Variants in CACNG4 observed in about 807,000 individuals in gnomAD.
CACNG4 encodes the protein voltage-dependent calcium channel gamma-4 subunit.
In CACNG4, 8 loss-of-function variants were observed where a neutral mutation model predicts 22.9. The observed-to-expected ratio is 0.35, with a 90% confidence interval of 0.21 to 0.63. The LOEUF (loss-of-function observed/expected upper bound fraction) is 0.63, where lower values mean the gene tolerates loss of function less well. Among genes scored for constraint, CACNG4 ranks in the 30% least tolerant of loss-of-function variants. CACNG4 has a pLI of 0.72. For missense variants in CACNG4, 357 were observed against 455.4 expected (o/e 0.78, Z 1.97); for synonymous variants, 188 against 191.9 (o/e 0.98, Z 0.17).
chr17:66,981,946 T>TA (rs2035277086), intron 1 of CACNG4, among the ~76,000 whole-genome samples: 1 of 152,122 alleles, frequency 6.6e-6, no homozygotes, highest in Admixed American at 6.5e-5. Context: ...TAAAAAAAAA[T>TA]TTTTAGAGAT....
At chr17:67,018,360 G>A in intron 2 of CACNG4, 88 bp downstream of exon 2, 1 of 919,864 alleles carries the variant, frequency 1.1e-6, no homozygotes. Context: ...CACTGGGCAT[G>A]GAGAGGGTGA....
intron 1 of CACNG4, among the ~76,000 whole-genome samples, chr17:66,987,359 C>G (rs1207940865): frequency 6.6e-6 from 1 of 152,198 alleles, no homozygotes; most frequent in East Asian, 1.9e-4. Context: ...ATCCTCTACC[C>G]ATGTGAGAAT....
In CACNG4 at chr17:66,984,700, G is replaced by C. The variant is rs2143296505; in HGVS notation, c.220+19569G>C. Among the ~76,000 whole-genome samples, 1 of 152,246 alleles carries C rather than the reference G, an allele frequency of 6.6e-6. No homozygotes were observed. The highest frequency in any genetic ancestry group is 2.4e-5 in the African/African-American group (1 of 41,554). On this transcript the variant is annotated intron_variant, in intron 1 of 3. Coordinates refer to ENST00000262138, the MANE Select transcript of CACNG4 (RefSeq NM_014405.4). This position sits in a 1 kb window ranked among gnomAD's most constrained non-coding sequence, Gnocchi z 4.0. ...ATGACATGACCTCCCACTTGTTCCT[G>C]CCTCGCCATCTGCTTGTGCTGTCTC...
At position 67,030,681 on chromosome 17, in the gene CACNG4, T is replaced by A. The variant is rs1213632412; in HGVS notation, c.661T>A (p.Phe221Ile). The A allele has an allele frequency of 5.0e-6, 8 of 1,614,182 alleles. No individual in the cohort carries two copies. Among genetic ancestry groups the A allele is most frequent in the Non-Finnish European group, 6.8e-6 (8 of 1,180,036 alleles). The change falls in exon 4 of 4, where the codon TTC becomes ATC. Residue 221 changes from phenylalanine (F) to isoleucine (I), a missense_variant. Coordinates refer to ENST00000262138, the MANE Select transcript of CACNG4 (RefSeq NM_014405.4). The surrounding 1 kb of genome is among the most constrained non-coding windows in gnomAD (Gnocchi z 6.4). The part of the protein sequence containing the change: ...KELRFKTKRE[F>I]LKASSSSPYA... ...GTTGAGGTTTAAGACCAAACGGGAA[T>A]TCCTTAAGGCGTCTTCCTCTTCTCC... is the stretch of plus-strand genomic sequence containing the variant.
chr17:66,992,742 G>A (rs1228509947), intron 1 of CACNG4, among the ~76,000 whole-genome samples: 2 of 152,248 alleles, frequency 1.3e-5, no homozygotes, highest in African/African-American at 2.4e-5. Context: ...GGCCTTGGCT[G>A]GATGAGCCCA....
intron 2 of CACNG4, among the ~76,000 whole-genome samples, chr17:67,020,541 C>T (rs1427770105): frequency 2.0e-5 from 3 of 152,076 alleles, no homozygotes; most frequent in East Asian, 3.9e-4. Context: ...GAAGTCAGGG[C>T]GGGGTGGGGC....
In CACNG4 at chr17:67,010,710, T is replaced by C. The variant is rs536306988; in HGVS notation, c.221-7479T>C. Among the ~76,000 whole-genome samples, 20 of 152,262 alleles carry C rather than the reference T, an allele frequency of 1.3e-4. 1 individual carries two copies. The highest frequency in any genetic ancestry group is 1.0e-3 in the South Asian group (5 of 4,816). Reference sequence around the variant, plus strand: ...CCTCCATGAAGTCCCAGGCAGGTCATTTCCGGGATGGTCTGCAGCCTCCTG... The same window carrying C: ...CCTCCATGAAGTCCCAGGCAGGTCACTTCCGGGATGGTCTGCAGCCTCCTG... On this transcript the variant is annotated intron_variant, in intron 1 of 3. Transcript: ENST00000262138.
At chr17:66,997,219 A>G (rs948874762) in intron 1 of CACNG4, among the ~76,000 whole-genome samples, 7 of 152,218 alleles carry the variant, frequency 4.6e-5, no homozygotes, top group African/African-American at 1.7e-4. Flanking sequence ...AACCCAAACT[A>G]GGGCAGGGCA....
chr17:66,968,372 T>C (rs1277619922), intron 1 of CACNG4, among the ~76,000 whole-genome samples: 1 of 152,036 alleles, frequency 6.6e-6, no homozygotes, highest in African/African-American at 2.4e-5. Flanking sequence ...ACACACCTTT[T>C]CCCTTCTTTT....
At chr17:67,024,750 C>A in intron 2 of CACNG4, 110 bp from the exon 3 acceptor site, 1 of 1,224,560 alleles carries the variant, frequency 8.2e-7, no homozygotes, top group Non-Finnish European at 1.1e-6. Context: ...ATCTCAAATC[C>A]TGGGGAAGGG....
At chr17:66,966,012 G>A (rs2035168641) in intron 1 of CACNG4, among the ~76,000 whole-genome samples, 1 of 152,202 alleles carries the variant, frequency 6.6e-6, no homozygotes. Flanking sequence ...TCATCTCGTC[G>A]GAGCTGGGCG....
chr17:67,028,418 T>C (rs948659290), intron 3 of CACNG4, among the ~76,000 whole-genome samples: 2 of 152,044 alleles, frequency 1.3e-5, no homozygotes, highest in Non-Finnish European at 2.9e-5. Flanking sequence ...CTGGGCATGG[T>C]GGCGGGTGCC....
intron 1 of CACNG4, among the ~76,000 whole-genome samples, chr17:67,006,596 C>A (rs899391840): frequency 6.6e-6 from 1 of 152,198 alleles, no homozygotes; most frequent in African/African-American, 2.4e-5. Flanking sequence ...TTCCCAGACA[C>A]CCCATTCAGC....
chr17:67,029,169 T>C (rs1246997500), intron 3 of CACNG4, among the ~76,000 whole-genome samples: 1 of 151,536 alleles, frequency 6.6e-6, no homozygotes, highest in Admixed American at 6.6e-5. Flanking sequence ...CTGTCTCTAC[T>C]AAAAATACAA....
intron 1 of CACNG4, among the ~76,000 whole-genome samples, chr17:66,977,945 C>T (rs2035248030): frequency 6.6e-6 from 1 of 152,148 alleles, no homozygotes; most frequent in Non-Finnish European, 1.5e-5. Flanking sequence ...AGAACACGTC[C>T]TAGACGTTAG....
At chr17:66,991,199 C>G (rs2035338404) in intron 1 of CACNG4, among the ~76,000 whole-genome samples, 1 of 152,090 alleles carries the variant, frequency 6.6e-6, no homozygotes, top group African/African-American at 2.4e-5. Flanking sequence ...CCTCCCTGGG[C>G]TCCAGCTTGA....
At chr17:66,966,360 T>C (rs1295816726) in intron 1 of CACNG4, among the ~76,000 whole-genome samples, 5 of 152,076 alleles carry the variant, frequency 3.3e-5, no homozygotes, top group African/African-American at 9.7e-5. Context: ...TGGACAGAAT[T>C]CCTTCTTTTT....
chr17:66,991,008 A>G (rs777694739), intron 1 of CACNG4, among the ~76,000 whole-genome samples: 1 of 152,154 alleles, frequency 6.6e-6, no homozygotes, highest in Admixed American at 6.5e-5. Context: ...AAAGGGGTAC[A>G]TTAATACCAG....
intron 1 of CACNG4, among the ~76,000 whole-genome samples, chr17:66,993,148 G>T (rs1166224181): frequency 6.6e-6 from 1 of 152,266 alleles, no homozygotes; most frequent in Admixed American, 6.5e-5. Context: ...GGACTCCAAG[G>T]CTGCCTGACG....
Sources: allele counts gnomAD v4.1 joint callset (sites outside exome capture counted in the v4.1 genomes callset), GRCh38; gene constraint gnomAD v4.1.1; non-coding constraint Gnocchi (gnomAD v3.1); transcripts MANE v1.5; gene names NCBI Gene and HGNC (gene_info 2026-07-23, HGNC 2026-07-21).